The following DIAPH2 variants were observed in gnomAD, a reference collection of about 807,000 sequenced individuals.
DIAPH2 encodes the protein protein diaphanous homolog 2.
DIAPH2 carries 35 observed loss-of-function variants against 92.7 expected under a neutral mutation model. The ratio of observed to expected loss-of-function variants is 0.38; its 90% confidence interval spans 0.29 to 0.50. The LOEUF (loss-of-function observed/expected upper bound fraction) is 0.50. Among genes scored for constraint, DIAPH2 ranks in the 20% least tolerant of loss-of-function variants. DIAPH2 has a pLI of 0.94. For synonymous variants in DIAPH2, 301 were observed against 280.4 expected (o/e 1.07, Z -0.73); for missense variants, 701 against 819.5 (o/e 0.86, Z 1.77).
intron 10 of DIAPH2, 87 bp from the exon 11 acceptor site, chrX:96,937,146 A>G: frequency 4.8e-6 from 2 of 419,421 alleles, no homozygotes; most frequent in Non-Finnish European, 7.6e-6. Flanking sequence ...GTGTTTATAA[A>G]TGAATAATTG....
At chrX:97,235,265 C>T (rs2068038693) in intron 22 of DIAPH2, among the ~76,000 whole-genome samples, 1 of 111,964 alleles carries the variant, frequency 8.9e-6, no homozygotes, top group Admixed American at 9.5e-5. Context: ...TTCTGAAAAA[C>T]ATAACCCAGA....
intron 17 of DIAPH2, among the ~76,000 whole-genome samples, chrX:96,983,072 A>AT (rs201967048): frequency 0.12 from 13,279 of 109,321 alleles, 1,095 homozygotes; most frequent in African/African-American, 0.29. Flanking sequence ...AAGCAATGGG[A>AT]TTTTTTTTCT....
chrX:96,757,049 C>G (rs2064235022), intron 3 of DIAPH2, among the ~76,000 whole-genome samples: 1 of 106,084 alleles, frequency 9.4e-6, no homozygotes, highest in Admixed American at 1.0e-4. Flanking sequence ...TCCTGAGAAG[C>G]TGGGACTACA....
chrX:97,169,825 G>A (rs1024129405), intron 22 of DIAPH2, among the ~76,000 whole-genome samples: 1 of 111,577 alleles, frequency 9.0e-6, no homozygotes, highest in Non-Finnish European at 1.9e-5. Context: ...CCGTGATCGT[G>A]CCACTGCATT....
chrX:96,809,798 C>G (rs892593805), intron 4 of DIAPH2, among the ~76,000 whole-genome samples: 4 of 111,491 alleles, frequency 3.6e-5, no homozygotes, highest in African/African-American at 1.3e-4. Flanking sequence ...ATTGTTTGCT[C>G]AGAATGATGG....
chrX:97,010,925 G>C (rs1009305932), intron 17 of DIAPH2, among the ~76,000 whole-genome samples: 1 of 111,269 alleles, frequency 9.0e-6, no homozygotes, highest in African/African-American at 3.3e-5. Flanking sequence ...CTACACAAAT[G>C]TGTGCTTAGC....
At chrX:96,821,141 G>A (rs2064775295) in intron 4 of DIAPH2, among the ~76,000 whole-genome samples, 1 of 111,720 alleles carries the variant, frequency 9.0e-6, no homozygotes, top group African/African-American at 3.3e-5. Flanking sequence ...GTTTACTTAT[G>A]TTAACTGAAC....
At chrX:97,006,083 T>A (rs775648174) in intron 17 of DIAPH2, among the ~76,000 whole-genome samples, 1 of 111,085 alleles carries the variant, frequency 9.0e-6, no homozygotes, top group African/African-American at 3.3e-5. Context: ...TTCAGGAGCA[T>A]ATTGTTCAAT....
intron 9 of DIAPH2, among the ~76,000 whole-genome samples, chrX:96,928,279 GTAA>G (rs1257671072): frequency 9.0e-6 from 1 of 110,996 alleles, no homozygotes; most frequent in Non-Finnish European, 1.9e-5. Context: ...GGTGAATTAT[GTAA>G]AGGACCTAAT....
At chrX:96,802,048 C>A (rs1006064112) in intron 4 of DIAPH2, among the ~76,000 whole-genome samples, 3 of 112,001 alleles carry the variant, frequency 2.7e-5, no homozygotes, top group Non-Finnish European at 3.8e-5. Flanking sequence ...TCCCTAAAGA[C>A]TTCCAGTAAT....
chrX:97,386,909 A>G (rs769499877), intron 25 of DIAPH2, among the ~76,000 whole-genome samples: 9 of 108,881 alleles, frequency 8.3e-5, no homozygotes, highest in Non-Finnish European at 1.3e-4. Context: ...CCCATCATCT[A>G]TTTCTCCTAA....
chrX:97,347,095 T>TC (rs1230941533), intron 23 of DIAPH2, among the ~76,000 whole-genome samples: 4 of 101,819 alleles, frequency 3.9e-5, no homozygotes, highest in Non-Finnish European at 8.0e-5. Flanking sequence ...CTTTTTTTTT[T>TC]TTTTTTTTTT....
At chrX:97,141,548 C>A (rs2067208746) in intron 21 of DIAPH2, 117 bp from the exon 22 acceptor site, 2 of 785,843 alleles carry the variant, frequency 2.5e-6, no homozygotes, top group Admixed American at 4.6e-5. Flanking sequence ...ACATTAAGAA[C>A]CTACCCCAAA....
At chrX:97,572,989 G>A (rs760225741) in intron 26 of DIAPH2, among the ~76,000 whole-genome samples, 101 of 111,888 alleles carry the variant, frequency 9.0e-4, no homozygotes, top group African/African-American at 3.0e-3. Flanking sequence ...ACATATCTTC[G>A]TAGTCATTTC....
chrX:97,130,299 A>C (rs1158340755), intron 21 of DIAPH2, among the ~76,000 whole-genome samples: 1 of 112,163 alleles, frequency 8.9e-6, no homozygotes, highest in Non-Finnish European at 1.9e-5. Context: ...AGATGATTGC[A>C]TACCAAATTC....
At chrX:97,134,306 A>G (rs751205191) in intron 21 of DIAPH2, among the ~76,000 whole-genome samples, 4 of 111,857 alleles carry the variant, frequency 3.6e-5, no homozygotes, top group Non-Finnish European at 7.5e-5. Context: ...TTCAGATGCC[A>G]CAAATTGCTA....
chrX:97,206,192 A>G (rs1442234353), intron 22 of DIAPH2, among the ~76,000 whole-genome samples: 4 of 111,073 alleles, frequency 3.6e-5, no homozygotes, highest in Non-Finnish European at 3.8e-5. Context: ...ATTAGGACAA[A>G]TACCTAATGC....
chrX:96,885,070 C>T (rs2065250741), intron 5 of DIAPH2: 18 of 1,206,087 alleles, frequency 1.5e-5, no homozygotes, highest in East Asian at 3.0e-5. Context: ...CACTGTGGAT[C>T]GGGAGCATTT....
intron 4 of DIAPH2, among the ~76,000 whole-genome samples, chrX:96,759,044 T>A (rs2064250806): frequency 9.1e-6 from 1 of 109,942 alleles, no homozygotes; most frequent in African/African-American, 3.3e-5. Flanking sequence ...CTAGAGTTCA[T>A]AAAATCACTG....
Sources: allele counts gnomAD v4.1 joint callset (sites outside exome capture counted in the v4.1 genomes callset), GRCh38; gene constraint gnomAD v4.1.1; transcripts MANE v1.5; gene names NCBI Gene and HGNC (gene_info 2026-07-23, HGNC 2026-07-21).